FREM2: variants seen among roughly 807,000 people sequenced by gnomAD.
The protein encoded by FREM2 is FRAS1 related extracellular matrix 2, also known as FRAS1-related extracellular matrix protein 2.
FREM2 carries 119 observed loss-of-function variants against 219.9 expected under a neutral mutation model. The ratio of observed to expected loss-of-function variants is 0.54; its 90% CI spans 0.47 to 0.63. The LOEUF is 0.63. Ranked by LOEUF, FREM2 falls within the 30% of genes least tolerant of loss-of-function variation. FREM2 has a pLI of 0.00. For missense variants in FREM2, 4,030 were observed against 3,993.6 expected (o/e 1.01, Z -0.25); for synonymous variants, 1,562 against 1,522.8 (o/e 1.03, Z -0.60).
Position 38,692,300 on chromosome 13 carries a change from C to T in FREM2, c.4956C>T (p.Asp1652=), listed in dbSNP as rs1381282387. 5 of 1,611,226 alleles carry T rather than the reference C, an allele frequency of 3.1e-6. No homozygotes were observed. The highest frequency in any genetic ancestry group is 3.4e-6 in the Non-Finnish European group (4 of 1,178,514). The change falls in exon 1 of 24, where the codon GAC becomes GAT. Residue 1652 remains aspartate (D), a synonymous_variant. Coordinates refer to ENST00000280481, the MANE Select transcript of FREM2 (RefSeq NM_207361.6). ...TGAAGATCCAGGTCTTGGCTGTTGA[C>T]AACAGTGTCCCCCAAATCGCAGTGA... The part of the protein sequence containing the change: ...QVMKIQVLAV[D]NSVPQIAVNK...
chr13:38,872,935 G>A lies in FREM2; in HGVS notation c.8176+1G>A, dbSNP rs756208759. On this transcript the variant is annotated splice_donor_variant, in intron 17 of 23. Transcript: ENST00000280481. LOFTEE classifies it high-confidence loss of function. ...AGCCCCCCAGAGGCTGAACTTCAAG[G>A]TGAGTTCAGAAGACTTGGAAAATTC... is the stretch of plus-strand genomic sequence containing the variant. 6.2e-7 allele frequency: 1 copy of A among 1,612,690 alleles called. No individual in the cohort carries two copies. Among genetic ancestry groups the A allele is most frequent in the African/African-American group, 1.3e-5 (1 of 74,878 alleles).
rs569518257 is a variant in FREM2, at chr13:38,733,240, C to T, written c.5264-31064C>T. Among the ~76,000 whole-genome samples, 9 of 151,614 alleles carry T rather than the reference C, an allele frequency of 5.9e-5. No homozygotes were observed. In the East Asian group the frequency reaches 1.2e-3, roughly 20 times the overall value. The stretch of plus-strand genomic sequence containing the variant: ...GAGGAGTAAGAAATAAAGAAATAGA[C>T]AAGCCCCTACTCCTCATCTTGTGGG... On this transcript the variant is annotated intron_variant, in intron 2 of 23. Coordinates refer to ENST00000280481, the MANE Select transcript of FREM2 (RefSeq NM_207361.6).
intron 6 of FREM2, among the ~76,000 whole-genome samples, chr13:38,823,610 C>T (rs1331282962): frequency 6.6e-6 from 1 of 152,056 alleles, no homozygotes; most frequent in Non-Finnish European, 1.5e-5. Context: ...TTCTCCCTCT[C>T]TACCTCCTCA....
chr13:38,831,813 T>C (rs1279984519), intron 6 of FREM2, among the ~76,000 whole-genome samples: 1 of 151,146 alleles, frequency 6.6e-6, no homozygotes, highest in African/African-American at 2.4e-5. Context: ...AGAAATGGGC[T>C]TTTGCCATGT....
chr13:38,721,016 G>T (rs1294039444), intron 2 of FREM2, among the ~76,000 whole-genome samples: 1 of 152,128 alleles, frequency 6.6e-6, no homozygotes, highest in Non-Finnish European at 1.5e-5. Flanking sequence ...AGTTTGGTTG[G>T]GGGAGGGAGC....
rs138217330 is a variant in FREM2, at chr13:38,859,442, C to T, written c.7371C>T (p.Thr2457=). The T allele has an allele frequency of 6.2e-7, 1 of 1,614,098 alleles. No individual in the cohort carries two copies. The highest frequency in any genetic ancestry group is 8.5e-7 in the Non-Finnish European group (1 of 1,179,998). Reference sequence around the variant, plus strand: ...CTATGAGAGAAGTGGACTTCGACACCTTTTTTACGTCATCCAAGATGGTCA... The same window carrying T: ...CTATGAGAGAAGTGGACTTCGACACTTTTTTTACGTCATCCAAGATGGTCA... ...TSPMREVDFD[T]FFTSSKMVTL... The change falls in exon 14 of 24, where the codon ACC becomes ACT. Residue 2457 remains threonine (T), a synonymous_variant. Transcript: ENST00000280481.
chr13:38,852,763 G>A (rs1302282681), intron 11 of FREM2, among the ~76,000 whole-genome samples: 1 of 148,122 alleles, frequency 6.8e-6, no homozygotes, highest in Non-Finnish European at 1.5e-5. Flanking sequence ...AGCATGCAGT[G>A]GCGTAATCAC....
At chr13:38,753,308 A>T (rs1458681780) in intron 2 of FREM2, among the ~76,000 whole-genome samples, 1 of 152,244 alleles carries the variant, frequency 6.6e-6, no homozygotes, top group Non-Finnish European at 1.5e-5. Context: ...ATTTTAAAAT[A>T]GTCTTATGCT....
intron 2 of FREM2, among the ~76,000 whole-genome samples, chr13:38,700,252 G>A (rs556628611): frequency 1.2e-4 from 19 of 152,112 alleles, no homozygotes; most frequent in East Asian, 1.9e-4. Context: ...AATCTGGCTC[G>A]CCACAGGATT....
At chr13:38,807,055 T>A (rs1051563985) in intron 6 of FREM2, among the ~76,000 whole-genome samples, 2 of 150,658 alleles carry the variant, frequency 1.3e-5, no homozygotes, top group African/African-American at 4.9e-5. Flanking sequence ...TCTTGCTTTT[T>A]TTGCCACATC....
intron 15 of FREM2, among the ~76,000 whole-genome samples, chr13:38,863,981 C>T (rs1241500738): frequency 2.6e-5 from 4 of 151,950 alleles, no homozygotes; most frequent in Non-Finnish European, 4.4e-5. Flanking sequence ...TACAGGCACC[C>T]GCCACCATGC....
Position 38,807,189 on chromosome 13 carries a change from TTATATATATATATATA to T in FREM2, c.6019+22405_6019+22420del, listed in dbSNP as rs59551341. On this transcript the variant is annotated intron_variant, in intron 6 of 23. Coordinates refer to ENST00000280481, the MANE Select transcript of FREM2 (RefSeq NM_207361.6). The stretch of plus-strand genomic sequence containing the variant: ...CCTTTTTGCAGAGATCTTGTCTCTG[TTATATATATATATATA>T]TATATATATATATATATATATATGT... Among the ~76,000 whole-genome samples the T allele has an allele frequency of 6.2e-4, 28 of 45,384 alleles. 2 individuals are homozygous for T. The East Asian group carries it at 0.011, about 17-fold the overall frequency. 29.8% of individuals were successfully genotyped at this position (45,384 alleles called of 152,430 possible). A position where few individuals can be genotyped will look rare whatever the true frequency, so the allele number is the denominator to read the frequency against.
intron 2 of FREM2, among the ~76,000 whole-genome samples, chr13:38,699,639 C>CA (rs1870262060): frequency 6.6e-6 from 1 of 151,966 alleles, no homozygotes; most frequent in Admixed American, 6.6e-5. Context: ...ACTGGCATAA[C>CA]ATTACCTATG....
At chr13:38,773,276 C>T (rs1873740448) in intron 4 of FREM2, among the ~76,000 whole-genome samples, 1 of 152,110 alleles carries the variant, frequency 6.6e-6, no homozygotes, top group East Asian at 1.9e-4. Context: ...GCCCCCATGC[C>T]TCCAAGTGTC....
intron 2 of FREM2, among the ~76,000 whole-genome samples, chr13:38,727,640 C>T (rs1871586140): frequency 6.6e-6 from 1 of 152,234 alleles, no homozygotes; most frequent in South Asian, 2.1e-4. Flanking sequence ...GCACTTGACA[C>T]AAAGTAAACT....
chr13:38,749,117 A>C (rs929462471), intron 2 of FREM2, among the ~76,000 whole-genome samples: 1 of 152,188 alleles, frequency 6.6e-6, no homozygotes, highest in African/African-American at 2.4e-5. Context: ...TAATCTGCTT[A>C]AAACATCTAA....
At chr13:38,753,075 T>C (rs184881950) in intron 2 of FREM2, among the ~76,000 whole-genome samples, 55 of 152,280 alleles carry the variant, frequency 3.6e-4, no homozygotes, top group African/African-American at 1.3e-3. Context: ...TGTTTTGTAT[T>C]TTTTCTCTTC....
At chr13:38,700,274 A>G (rs1251876386) in intron 2 of FREM2, among the ~76,000 whole-genome samples, 2 of 152,112 alleles carry the variant, frequency 1.3e-5, no homozygotes, top group Non-Finnish European at 2.9e-5. Context: ...TTCTGTTATG[A>G]TGTAGTAATG....
At chr13:38,861,342 A>G (rs571754757) in intron 14 of FREM2, 89 bp from the exon 15 acceptor site, 6 of 1,385,634 alleles carry the variant, frequency 4.3e-6, no homozygotes, top group Non-Finnish European at 6.1e-6. Flanking sequence ...AAGTACACAG[A>G]AAAATAATAG....
Sources: allele counts gnomAD v4.1 joint callset (sites outside exome capture counted in the v4.1 genomes callset), GRCh38; gene constraint gnomAD v4.1.1; transcripts MANE v1.5; gene names NCBI Gene and HGNC (gene_info 2026-07-23, HGNC 2026-07-21).